PDE3A: variants seen among roughly 807,000 people sequenced by gnomAD.
The protein encoded by PDE3A is cGMP-inhibited 3',5'-cyclic phosphodiesterase 3A.
A neutral mutation model predicts 98.3 loss-of-function variants in PDE3A; 43 were observed. The observed-to-expected ratio is 0.44, with a 90% CI of 0.34 to 0.56. PDE3A has a LOEUF of 0.56. Among genes scored for constraint, PDE3A ranks in the 20% least tolerant of loss-of-function variants. PDE3A has a pLI of 0.01. For missense variants in PDE3A, 1,427 were observed against 1,440.7 expected, an observed-to-expected ratio of 0.99 and a Z score of 0.15; for synonymous variants, 663 against 567.9, an observed-to-expected ratio of 1.17 and a Z score of -2.38.
chr12:20,634,550 C>T (rs11045351), intron 7 of PDE3A, among the ~76,000 whole-genome samples: 10,569 of 152,132 alleles, frequency 0.069, 490 homozygotes, highest in South Asian at 0.18. Flanking sequence ...ACCTCACGTG[C>T]CCGTTCTAGA....
intron 2 of PDE3A, chr12:20,557,106 A>T: frequency 5.4e-6 from 1 of 186,190 alleles, no homozygotes; most frequent in South Asian, 1.2e-4. Context: ...TAAACTCTGA[A>T]CTAATTACAA....
intron 8 of PDE3A, 83 bp downstream of exon 8, chr12:20,635,139 G>C (rs1944472018): frequency 7.7e-7 from 1 of 1,293,396 alleles, no homozygotes; most frequent in Non-Finnish European, 1.1e-6. Flanking sequence ...GAATCTTTGA[G>C]GCCAGGCAAG....
chr12:20,622,352 C>T (rs1944158974), intron 5 of PDE3A, among the ~76,000 whole-genome samples: 1 of 152,104 alleles, frequency 6.6e-6, no homozygotes, highest in African/African-American at 2.4e-5. Flanking sequence ...AAGGCAAGAA[C>T]AATTTGCAGG....
intron 2 of PDE3A, among the ~76,000 whole-genome samples, chr12:20,585,507 A>G (rs1269499639): frequency 1.3e-5 from 2 of 152,212 alleles, no homozygotes; most frequent in African/African-American, 4.8e-5. Flanking sequence ...CTAGAGTGTC[A>G]ACAGACCTGT....
At chr12:20,484,310 C>A (rs1400998899) in intron 1 of PDE3A, among the ~76,000 whole-genome samples, 1 of 152,130 alleles carries the variant, frequency 6.6e-6, no homozygotes, top group Non-Finnish European at 1.5e-5. Flanking sequence ...CAGTAATAGT[C>A]TGTTTTAATT....
Position 20,439,553 on chromosome 12 carries a change from A to T in PDE3A, c.960+69309A>T, listed in dbSNP as rs565498762. Among the ~76,000 whole-genome samples, 5 of 152,282 alleles carry T rather than the reference A, an allele frequency of 3.3e-5. No individual in the cohort carries two copies. The East Asian group carries it at 9.6e-4, about 29-fold the overall frequency. On this transcript the variant is annotated intron_variant, in intron 1 of 15. Coordinates refer to ENST00000359062, the MANE Select transcript of PDE3A (RefSeq NM_000921.5). ...TATTGCACTTAAAAATATTCAGATC[A>T]CTGGTTATTGCTGACTGCTTATAAG... is the stretch of plus-strand genomic sequence containing the variant.
intron 1 of PDE3A, among the ~76,000 whole-genome samples, chr12:20,434,152 C>T (rs993498018): frequency 6.7e-6 from 1 of 149,488 alleles, no homozygotes; most frequent in Non-Finnish European, 1.5e-5. Context: ...CAAATCAAGG[C>T]TTTACTATTG....
intron 1 of PDE3A, among the ~76,000 whole-genome samples, chr12:20,434,508 A>T (rs1398017134): frequency 6.6e-6 from 1 of 152,168 alleles, no homozygotes; most frequent in Non-Finnish European, 1.5e-5. Context: ...AAGGATCAGG[A>T]CCAGGCAGGT....
At chr12:20,472,371 G>A (rs1945453458) in intron 1 of PDE3A, among the ~76,000 whole-genome samples, 1 of 152,122 alleles carries the variant, frequency 6.6e-6, no homozygotes, top group Admixed American at 6.6e-5. Context: ...TTTATGGAGA[G>A]TTAGCTTTTG....
At chr12:20,612,034 G>T (rs1285588385) in intron 2 of PDE3A, among the ~76,000 whole-genome samples, 1 of 151,612 alleles carries the variant, frequency 6.6e-6, no homozygotes, top group Non-Finnish European at 1.5e-5. Context: ...ATGTTGTTTT[G>T]CTGGATCATA....
chr12:20,552,237 G>A lies in PDE3A; in HGVS notation c.961-4423G>A, dbSNP rs1044986927. On this transcript the variant is annotated intron_variant, in intron 1 of 15. Transcript: ENST00000359062. The surrounding 1 kb of genome is among the most constrained non-coding windows in gnomAD (Gnocchi z 5.1). ...GGTCGGGGAAGCCGGTCAGGGTGGT[G>A]CGCAATGTCAAGGGTGGCAAGAATA... 7.9e-5 allele frequency: 128 copies of A among 1,613,876 alleles called. No homozygotes were observed. The highest frequency in any genetic ancestry group is 1.0e-4 in the Non-Finnish European group (123 of 1,179,890).
intron 1 of PDE3A, among the ~76,000 whole-genome samples, chr12:20,443,955 T>A (rs1944910849): frequency 3.3e-5 from 5 of 151,974 alleles, no homozygotes; most frequent in Admixed American, 3.3e-4. Flanking sequence ...TTCGGTGAGC[T>A]CCCCTGTGGC....
At chr12:20,670,656 C>T (rs1265745847) in intron 15 of PDE3A, among the ~76,000 whole-genome samples, 1 of 147,384 alleles carries the variant, frequency 6.8e-6, no homozygotes, top group Non-Finnish European at 1.5e-5. Context: ...CCAAGGAGAA[C>T]AAAGACACAA....
At chr12:20,536,650 G>A (rs1592031265) in intron 1 of PDE3A, among the ~76,000 whole-genome samples, 1 of 151,962 alleles carries the variant, frequency 6.6e-6, no homozygotes. Context: ...GCAGTCTTTT[G>A]TAATTACCAT....
rs74066218 is a variant in PDE3A, at chr12:20,626,086, C to T, written c.1541-3822C>T. The stretch of plus-strand genomic sequence containing the variant: ...TAGATGAGATTTTCAAAGGTTTTAA[C>T]GGTCATCCCTCTAACTTTAGACATG... On this transcript the variant is annotated intron_variant, in intron 5 of 15. Coordinates refer to ENST00000359062, the MANE Select transcript of PDE3A (RefSeq NM_000921.5). Among the ~76,000 whole-genome samples, 832 of 152,130 alleles carry T rather than the reference C, an allele frequency of 5.5e-3. 8 individuals are homozygous for T. Among genetic ancestry groups the T allele is most frequent in the African/African-American group, 0.019 (785 of 41,496 alleles).
intron 5 of PDE3A, among the ~76,000 whole-genome samples, chr12:20,626,328 A>G (rs1944263419): frequency 2.0e-5 from 3 of 151,824 alleles, no homozygotes; most frequent in African/African-American, 7.3e-5. Context: ...TTCTGTTTTT[A>G]AACTTTAAGT....
intron 1 of PDE3A, among the ~76,000 whole-genome samples, chr12:20,534,553 T>C (rs900467293): frequency 6.6e-6 from 1 of 152,226 alleles, no homozygotes; most frequent in South Asian, 2.1e-4. Flanking sequence ...TTAAGTGCAA[T>C]GTCCTGAGTG....
intron 1 of PDE3A, among the ~76,000 whole-genome samples, chr12:20,541,075 C>CTTTCTTT (rs1941890167): frequency 3.8e-5 from 2 of 52,958 alleles, no homozygotes; most frequent in African/African-American, 1.4e-4. Context: ...TGGTAACTTT[C>CTTTCTTT]TTTTTTTTTT....
intron 1 of PDE3A, among the ~76,000 whole-genome samples, chr12:20,453,173 C>CATT (rs746435617): frequency 8.0e-6 from 1 of 124,628 alleles, no homozygotes. Context: ...CTTGATAATG[C>CATT]TTTTTTTTTT....
Sources: allele counts gnomAD v4.1 joint callset (sites outside exome capture counted in the v4.1 genomes callset), GRCh38; gene constraint gnomAD v4.1.1; non-coding constraint Gnocchi (gnomAD v3.1); transcripts MANE v1.5; gene names NCBI Gene and HGNC (gene_info 2026-07-23, HGNC 2026-07-21).